Variants in JAKMIP2 observed in about 807,000 individuals in gnomAD.
JAKMIP2 encodes janus kinase and microtubule interacting protein 2.
A neutral mutation model predicts 115.0 loss-of-function variants in JAKMIP2; 25 were observed. That is an observed-to-expected ratio of 0.22 (90% CI 0.16 to 0.30). JAKMIP2 has a LOEUF of 0.30. Ranked by LOEUF, JAKMIP2 falls within the 10% of genes least tolerant of loss-of-function variation. The pLI is 1.00. For missense variants in JAKMIP2, 642 were observed against 957.6 expected, an observed-to-expected ratio of 0.67 and a Z score of 4.35; for synonymous variants, 334 against 343.6, an observed-to-expected ratio of 0.97 and a Z score of 0.31.
chr5:147,694,274 T>C (rs1752000887), intron 1 of JAKMIP2, among the ~76,000 whole-genome samples: 1 of 152,146 alleles, frequency 6.6e-6, no homozygotes, highest in South Asian at 2.1e-4. Context: ...AGGATAAAGT[T>C]GATTTTCCAG....
intron 13 of JAKMIP2, 28 bp downstream of exon 13, chr5:147,632,652 T>A: frequency 7.3e-7 from 1 of 1,377,182 alleles, no homozygotes; most frequent in Non-Finnish European, 1.0e-6. Context: ...TACGATTATT[T>A]TTATTATTAT....
At chr5:147,672,863 C>T (rs1227249773) in intron 1 of JAKMIP2, among the ~76,000 whole-genome samples, 2 of 152,122 alleles carry the variant, frequency 1.3e-5, no homozygotes, top group Admixed American at 6.5e-5. Context: ...GAAATAGGGC[C>T]TGATTAATTA....
At chr5:147,693,999 C>T (rs1047678498) in intron 1 of JAKMIP2, among the ~76,000 whole-genome samples, 1 of 152,122 alleles carries the variant, frequency 6.6e-6, no homozygotes, top group East Asian at 1.9e-4. Context: ...TTACGATGGA[C>T]ACTGGATTAA....
chr5:147,705,731 ACT>A, intron 1 of JAKMIP2, among the ~76,000 whole-genome samples: 1 of 152,304 alleles, frequency 6.6e-6, no homozygotes, highest in East Asian at 1.9e-4. Context: ...TGGCTGGGAG[ACT>A]GGTTATGCAG....
At chr5:147,613,892 G>A (rs139059275) in intron 19 of JAKMIP2, among the ~76,000 whole-genome samples, 5 of 152,226 alleles carry the variant, frequency 3.3e-5, no homozygotes, top group Non-Finnish European at 5.9e-5. Context: ...AATGAATGCC[G>A]GAGAAAGGGA....
At chr5:147,736,107 A>G (rs6886173) in intron 1 of JAKMIP2, among the ~76,000 whole-genome samples, 2,948 of 152,266 alleles carry the variant, frequency 0.019, 68 homozygotes, top group Non-Finnish European at 0.023. Flanking sequence ...TTTTTCACCT[A>G]TAATTCTCAA....
Position 147,776,463 on chromosome 5 carries a change from C to T in JAKMIP2, c.-149+5993G>A, listed in dbSNP as rs547582197. ...GCCATGATTGTAAGTTTCCTGAGGCCTCCCCAGCCCTGCAGAACAGTAAGT... is the reference window on the plus strand; with the variant it reads ...GCCATGATTGTAAGTTTCCTGAGGCTTCCCCAGCCCTGCAGAACAGTAAGT... On this transcript the variant is annotated intron_variant, in intron 1 of 21. Transcript: ENST00000616793. 2.6e-5 allele frequency among the ~76,000 whole-genome samples: 4 copies of T among 152,302 alleles called. No individual in the cohort carries two copies. The East Asian group carries it at 7.7e-4, about 29-fold the overall frequency.
intron 21 of JAKMIP2, among the ~76,000 whole-genome samples, chr5:147,595,767 T>A (rs1033256003): frequency 2.0e-5 from 3 of 152,208 alleles, no homozygotes; most frequent in African/African-American, 7.2e-5. Context: ...ATTTATTGAT[T>A]GTTGACTATG....
chr5:147,769,836 T>G (rs1341352739), intron 1 of JAKMIP2, among the ~76,000 whole-genome samples: 2 of 152,068 alleles, frequency 1.3e-5, no homozygotes, highest in Non-Finnish European at 2.9e-5. Flanking sequence ...CTGACCCAGG[T>G]GGAGCAAAAC....
intron 1 of JAKMIP2, among the ~76,000 whole-genome samples, chr5:147,759,402 T>C (rs4235735): frequency 1 from 152,202 of 152,236 alleles, 76,084 homozygotes; most frequent in Middle Eastern, 1. Flanking sequence ...GAAATGTTTA[T>C]GTGAACTCTG....
intron 1 of JAKMIP2, among the ~76,000 whole-genome samples, chr5:147,754,591 C>T (rs1161755489): frequency 6.6e-6 from 1 of 152,080 alleles, no homozygotes; most frequent in African/African-American, 2.4e-5. Flanking sequence ...GAATTCAAGT[C>T]ATAAGAGTTG....
chr5:147,596,226 A>G (rs1280407828), intron 21 of JAKMIP2, among the ~76,000 whole-genome samples: 5 of 151,902 alleles, frequency 3.3e-5, no homozygotes, highest in Non-Finnish European at 7.4e-5. Context: ...CTTGTTATCA[A>G]TAGATTGGTT....
chr5:147,659,040 G>C (rs140854561), intron 3 of JAKMIP2, among the ~76,000 whole-genome samples: 13 of 151,944 alleles, frequency 8.6e-5, no homozygotes, highest in African/African-American at 3.1e-4. Flanking sequence ...CCCCTTTCCA[G>C]GAGATTGGAC....
chr5:147,620,608 A>C lies in JAKMIP2; in HGVS notation c.2142+58T>G, dbSNP rs77304042. ...GCATGGAAAATTAAAAAGGATACTT[A>C]ATTCCACAGTGCATAACTGTAAATA... is the stretch of plus-strand genomic sequence containing the variant. On this transcript the variant is annotated intron_variant, in intron 18 of 21. Transcript: ENST00000616793. 478 of 1,186,874 alleles carry C rather than the reference A, an allele frequency of 4.0e-4. No individual in the cohort carries two copies. In the East Asian group the frequency reaches 0.01, roughly 25 times the overall value. 73.5% of individuals were successfully genotyped at this position (1,186,874 alleles called of 1,614,324 possible). A position where few individuals can be genotyped will look rare whatever the true frequency, so the allele number is the denominator to read the frequency against.
chr5:147,667,201 A>G (rs919703167), intron 2 of JAKMIP2, among the ~76,000 whole-genome samples: 2 of 152,004 alleles, frequency 1.3e-5, no homozygotes, highest in African/African-American at 2.4e-5. Context: ...AGGGGAGAGC[A>G]CTCGGTAGGG....
Position 147,591,195 on chromosome 5 carries a change from G to A in JAKMIP2, c.*512C>T, listed in dbSNP as rs377274906. 9.7e-5 allele frequency: 15 copies of A among 155,314 alleles called. No individual in the cohort carries two copies. Among genetic ancestry groups the A allele is most frequent in the East Asian group, 3.8e-4 (2 of 5,246 alleles). 9.6% of individuals were successfully genotyped at this position (155,314 alleles called of 1,614,324 possible). On this transcript the variant is annotated 3_prime_UTR_variant, in exon 22 of 22. Transcript: ENST00000616793. ...AAATAGCTCTTCATAGGTATTCCTC[G>A]TGCTTCACTCCCCACCCACCCTTGT...
At chr5:147,727,706 T>G (rs941889677) in intron 1 of JAKMIP2, among the ~76,000 whole-genome samples, 3 of 152,214 alleles carry the variant, frequency 2.0e-5, no homozygotes, top group Non-Finnish European at 4.4e-5. Context: ...AAGGATTTTA[T>G]TTTTTAAGGA....
intron 1 of JAKMIP2, among the ~76,000 whole-genome samples, chr5:147,768,407 C>T (rs1040428906): frequency 1.3e-5 from 2 of 152,130 alleles, no homozygotes; most frequent in African/African-American, 4.8e-5. Flanking sequence ...CATTGTATTA[C>T]AATCAAGACC....
intron 1 of JAKMIP2, among the ~76,000 whole-genome samples, chr5:147,776,305 C>T (rs774291572): frequency 3.3e-5 from 5 of 152,090 alleles, no homozygotes; most frequent in Non-Finnish European, 7.3e-5. Context: ...TGGCTTTCCC[C>T]ATTCTATTGT....
Sources: gnomAD v4.1 joint callset for allele counts (sites outside exome capture counted in the v4.1 genomes callset) on GRCh38, gnomAD v4.1.1 for gene constraint, MANE v1.5 for transcripts, NCBI Gene and HGNC (gene_info 2026-07-23, HGNC 2026-07-21) for gene names.